REXO4: variants seen among roughly 807,000 people sequenced by gnomAD.
REXO4 encodes the protein RNA exonuclease 4.
In REXO4, 29 loss-of-function variants were observed where a neutral mutation model predicts 39.9. The observed-to-expected ratio is 0.73, with a 90% CI of 0.54 to 0.99. The LOEUF (loss-of-function observed/expected upper bound fraction) is 0.99. Among genes scored for constraint, REXO4 ranks in the 50% least tolerant of loss-of-function variants. REXO4 has a pLI of 0.00. For missense variants in REXO4, 524 were observed against 546.5 expected (o/e 0.96, Z 0.41); for synonymous variants, 184 against 206.2 (o/e 0.89, Z 0.92).
chr9:133,410,941 C>T, intron 5 of REXO4, 44 bp downstream of exon 5: 1 of 1,450,720 alleles, frequency 6.9e-7, no homozygotes, highest in Non-Finnish European at 9.7e-7. Context: ...GTGTAACACC[C>T]ACGGAGCAGG....
chr9:133,417,468 C>G (rs1391805751), intron 1 of REXO4, 152 bp downstream of exon 1: 9 of 785,716 alleles, frequency 1.1e-5, no homozygotes, highest in Admixed American at 2.4e-5. Flanking sequence ...AGACCTCCCT[C>G]AACAGGCCAC....
rs1839741157 is a variant in REXO4 at position 133,417,645 on chromosome 9, G to A, written c.200C>T (p.Ser67Phe). The A allele has an allele frequency of 6.2e-7, 1 of 1,613,948 alleles. No individual in the cohort carries two copies. The highest frequency in any genetic ancestry group is 8.5e-7 in the Non-Finnish European group (1 of 1,179,916). The change falls in exon 1 of 8, where the codon TCT (serine) becomes TTT (phenylalanine). Residue 67 changes from serine to phenylalanine, a missense_variant. Coordinates refer to ENST00000371942, the MANE Select transcript of REXO4 (RefSeq NM_020385.4). ...VRPPKAPEDFSQNWKALQEWL... is the reference protein window; with the variant it reads ...VRPPKAPEDFFQNWKALQEWL... Reference sequence around the variant, plus strand: ...CTCTTGCAGCGCCTTCCAGTTTTGAGAAAAGTCTTCTGGTGCCTTTGGAGG... The same window carrying A: ...CTCTTGCAGCGCCTTCCAGTTTTGAAAAAAGTCTTCTGGTGCCTTTGGAGG...
At chr9:133,411,858 G>A (rs1012971647) in intron 4 of REXO4, among the ~76,000 whole-genome samples, 2 of 152,050 alleles carry the variant, frequency 1.3e-5, no homozygotes, top group Admixed American at 6.5e-5. Context: ...CCCAGGAGGC[G>A]GAGGTTGCAG....
Position 133,417,789 on chromosome 9 carries a change from T to C in REXO4, c.56A>G (p.Lys19Arg). The C allele has an allele frequency of 1.2e-6, 2 of 1,609,914 alleles. No homozygotes were observed. Among genetic ancestry groups the C allele is most frequent in the Non-Finnish European group, 8.5e-7 (1 of 1,179,860 alleles). ...SKRAPSSPVA[K>R]PGPVKTLTRK... The stretch of plus-strand genomic sequence containing the variant: ...AGTGAGCGTCTTGACAGGACCCGGC[T>C]TAGCCACGGGGCTGCTCGGGGCGCG... The change falls in exon 1 of 8, where the codon AAG becomes AGG. Residue 19 changes from lysine (K) to arginine (R), a missense_variant. Coordinates refer to ENST00000371942, the MANE Select transcript of REXO4 (RefSeq NM_020385.4).
intron 7 of REXO4, among the ~76,000 whole-genome samples, chr9:133,407,339 G>A (rs982844283): frequency 1.3e-5 from 2 of 152,170 alleles, no homozygotes; most frequent in African/African-American, 4.8e-5. Context: ...CAACAAACAC[G>A]CTGCCTTTTT....
Position 133,412,419 on chromosome 9 carries a change from G to C in REXO4, c.790C>G (p.Arg264Gly). The C allele has an allele frequency of 6.2e-7, 1 of 1,614,022 alleles. No homozygotes were observed. The highest frequency in any genetic ancestry group is 1.3e-5 in the African/African-American group (1 of 74,990). The change falls in exon 4 of 8, where the codon CGT (arginine) becomes GGT (glycine). Residue 264 changes from arginine to glycine, a missense_variant. By Grantham distance (125) the Arg-to-Gly change is moderately radical (BLOSUM62 -2). Transcript: ENST00000371942. ...GPKGEESMAA[R>G]VSIVNQYGKC... ...CCATACTGGTTCACGATGGACACAC[G>C]GGCGGCCATGCTCTCCTCCCCCTTA...
Position 133,411,089 on chromosome 9 carries a change from A to G in REXO4, c.911-16T>C, listed in dbSNP as rs1839187179. On this transcript the variant is annotated splice_polypyrimidine_tract_variant and intron_variant, in intron 4 of 7. Coordinates refer to ENST00000371942, the MANE Select transcript of REXO4 (RefSeq NM_020385.4). ...AGCTCTTCTCCTGGAAAATCAACAC[A>G]AAGAAGCGGTTTTTTGCAACACACA... The G allele has an allele frequency of 6.2e-7, 1 of 1,611,826 alleles. No individual in the cohort carries two copies. Among genetic ancestry groups the G allele is most frequent in the East Asian group, 2.2e-5 (1 of 44,888 alleles).
chr9:133,413,436 A>G (rs1839351289), intron 2 of REXO4, among the ~76,000 whole-genome samples: 1 of 152,172 alleles, frequency 6.6e-6, no homozygotes, highest in South Asian at 2.1e-4. Flanking sequence ...AAATACACTC[A>G]TTATTCAAGA....
chr9:133,412,616 C>T, intron 3 of REXO4, 124 bp from the exon 4 acceptor site: 2 of 1,397,550 alleles, frequency 1.4e-6, no homozygotes, highest in South Asian at 1.3e-5. Flanking sequence ...CACTCATTTG[C>T]ACCCACGTGA....
chr9:133,408,007 A>G, intron 6 of REXO4, 126 bp from the exon 7 acceptor site: 1 of 672,608 alleles, frequency 1.5e-6, no homozygotes, highest in Non-Finnish European at 2.6e-6. Context: ...CTCTCAGTGG[A>G]GAGGTGCTCA....
At chr9:133,416,638 A>G (rs925208452) in intron 1 of REXO4, among the ~76,000 whole-genome samples, 1 of 152,192 alleles carries the variant, frequency 6.6e-6, no homozygotes, top group Non-Finnish European at 1.5e-5. Context: ...TGTCTAGGAG[A>G]GAGCAGGCAA....
Position 133,412,376 on chromosome 9 carries a change from T to C in REXO4, c.833A>G (p.Lys278Arg). Residue 278 changes from lysine (K) to arginine (R), a missense_variant, in exon 4 of 8, where the codon AAG (lysine) becomes AGG (arginine). Physicochemically the swap from Lys to Arg is conservative, Grantham distance 26. Coordinates refer to ENST00000371942, the MANE Select transcript of REXO4 (RefSeq NM_020385.4). ...CACGGGCTCGGTTGGTTTGACGTAC[T>C]TGTCATAAACGCACTTCCCATACTG... is the stretch of plus-strand genomic sequence containing the variant. ...VNQYGKCVYD[K>R]YVKPTEPVTD... The C allele has an allele frequency of 6.2e-7, 1 of 1,614,118 alleles. No homozygotes were observed. The highest frequency in any genetic ancestry group is 2.2e-5 in the East Asian group (1 of 44,876).
chr9:133,415,069 T>C (rs1839493967), intron 1 of REXO4, 58 bp from the exon 2 acceptor site: 18 of 1,425,210 alleles, frequency 1.3e-5, no homozygotes, highest in Non-Finnish European at 1.6e-5. Context: ...ACACAGCAGA[T>C]TGAAAAAACT....
chr9:133,407,060 G>T lies in REXO4; in HGVS notation c.1162C>A (p.Gln388Lys). The T allele has an allele frequency of 6.2e-7, 1 of 1,613,098 alleles. No homozygotes were observed. ...ATGACGTACAGCCTCATTGCTGCCT[G>T]GGCATCCTGAATCTAGACGACATGA... ...QAEHCSIQDA[Q>K]AAMRLYVMVK... Residue 388 changes from glutamine to lysine, a missense_variant, in exon 8 of 8, where the codon CAG (glutamine) becomes AAG (lysine). Physicochemically the swap from Gln to Lys is moderately conservative, Grantham distance 53 (BLOSUM62 1). Coordinates refer to ENST00000371942, the MANE Select transcript of REXO4 (RefSeq NM_020385.4).
intron 2 of REXO4, among the ~76,000 whole-genome samples, chr9:133,413,298 C>T (rs953451398): frequency 1.3e-5 from 2 of 152,050 alleles, no homozygotes; most frequent in African/African-American, 2.4e-5. Context: ...TACGGGGTTT[C>T]GTCATGTTGG....
rs587643134 is a variant in REXO4, at chr9:133,407,719, C to A, written c.1149+88G>T. 5 of 997,576 alleles carry A rather than the reference C, an allele frequency of 5.0e-6. No homozygotes were observed. The South Asian group carries it at 5.9e-5, about 12-fold the overall frequency. The allele number at this position is 997,576 out of a possible 1,614,324, so 61.8% of individuals were successfully genotyped here. A position where few individuals can be genotyped will look rare whatever the true frequency, so the allele number is the denominator to read the frequency against. On this transcript the variant is annotated intron_variant, in intron 7 of 7. Transcript: ENST00000371942. The stretch of plus-strand genomic sequence containing the variant: ...ATAAGTAGGTGCCCAAGCCCCACCT[C>A]CCCCATGTCTGTGTCAGGTGACTCA...
chr9:133,408,198 T>C (rs1839016872), intron 6 of REXO4, among the ~76,000 whole-genome samples: 1 of 152,116 alleles, frequency 6.6e-6, no homozygotes, highest in African/African-American at 2.4e-5. Context: ...TTCACACCTG[T>C]AATCTCAGCA....
At chr9:133,408,976 G>GTA (rs1185661353) in intron 5 of REXO4, 134 bp from the exon 6 acceptor site, 3 of 521,920 alleles carry the variant, frequency 5.7e-6, no homozygotes, top group Non-Finnish European at 1.0e-5. Context: ...GTGTGTGTGT[G>GTA]TGTGTGTGTG....
chr9:133,408,857 T>C lies in REXO4; in HGVS notation c.1000-15A>G. ...AGAAATAGTACCTAGAAAAATAAAA[T>C]ATAATGATAATCATTTTCATTTTTG... On this transcript the variant is annotated splice_polypyrimidine_tract_variant and intron_variant, in intron 5 of 7. Transcript: ENST00000371942. The C allele has an allele frequency of 6.6e-7, 1 of 1,510,728 alleles. No homozygotes were observed. Among genetic ancestry groups the C allele is most frequent in the Non-Finnish European group, 9.1e-7 (1 of 1,096,392 alleles). The allele number at this position is 1,510,728 out of a possible 1,614,324, so 93.6% of individuals were successfully genotyped here. A position where few individuals can be genotyped will look rare whatever the true frequency, so the allele number is the denominator to read the frequency against.
Sources: gnomAD v4.1 joint callset for allele counts (sites outside exome capture counted in the v4.1 genomes callset) on GRCh38, gnomAD v4.1.1 for gene constraint, MANE v1.5 for transcripts, NCBI Gene and HGNC (gene_info 2026-07-23, HGNC 2026-07-21) for gene names.